The following DSCAM variants were observed in gnomAD, a reference collection of about 807,000 sequenced individuals.
The protein encoded by DSCAM is cell adhesion molecule DSCAM.
A neutral mutation model predicts 217.7 loss-of-function variants in DSCAM; 47 were observed. The ratio of observed to expected loss-of-function variants is 0.22; its 90% confidence interval spans 0.17 to 0.28. The LOEUF (loss-of-function observed/expected upper bound fraction) is 0.28, where lower values mean the gene tolerates loss of function less well. DSCAM is among the 10% of genes least tolerant of loss of function. DSCAM has a pLI of 1.00. For synonymous variants in DSCAM, 1,056 were observed against 1,015.3 expected (o/e 1.04, Z -0.76); for missense variants, 2,080 against 2,618.3 (o/e 0.79, Z 4.49).
chr21:40,067,390 T>A (rs979489609), intron 27 of DSCAM, among the ~76,000 whole-genome samples: 1 of 152,210 alleles, frequency 6.6e-6, no homozygotes, highest in Non-Finnish European at 1.5e-5. Flanking sequence ...GGGTTATGTC[T>A]GGAAAAATTT....
At chr21:40,452,622 C>T (rs574807114) in intron 3 of DSCAM, among the ~76,000 whole-genome samples, 70 of 152,244 alleles carry the variant, frequency 4.6e-4, no homozygotes, top group Non-Finnish European at 7.4e-4. Flanking sequence ...CAATACAGCA[C>T]TCATGCTCTA....
chr21:40,661,669 C>A (rs915630127), intron 3 of DSCAM, among the ~76,000 whole-genome samples: 1 of 152,134 alleles, frequency 6.6e-6, no homozygotes, highest in African/African-American at 2.4e-5. Flanking sequence ...ATCATTAACA[C>A]TAACAGATTG....
At position 40,338,091 on chromosome 21, in the gene DSCAM, C is replaced by A. The variant is rs1428896841; in HGVS notation, c.1783+10G>T. On this transcript the variant is annotated intron_variant, in intron 8 of 32. Transcript: ENST00000400454. ...ATGAGTTGTGTGGGAACCAGGAGAA[C>A]AGGGCTTACCTTTCACGGTCACGTG... 1 of 1,612,290 alleles carries A rather than the reference C, an allele frequency of 6.2e-7. No homozygotes were observed. Among genetic ancestry groups the A allele is most frequent in the Admixed American group, 1.7e-5 (1 of 59,996 alleles).
intron 15 of DSCAM, among the ~76,000 whole-genome samples, chr21:40,172,761 A>G (rs1262499141): frequency 1.3e-5 from 2 of 152,216 alleles, no homozygotes; most frequent in Non-Finnish European, 2.9e-5. Flanking sequence ...TCTATGTGCC[A>G]GGTCCTAAAC....
At chr21:40,089,306 A>G (rs377015805) in intron 21 of DSCAM, among the ~76,000 whole-genome samples, 1 of 152,228 alleles carries the variant, frequency 6.6e-6, no homozygotes, top group Non-Finnish European at 1.5e-5. Context: ...GGTTCCCACC[A>G]CAGCCTTGTG....
At chr21:40,082,970 C>G (rs2089483659) in intron 24 of DSCAM, among the ~76,000 whole-genome samples, 1 of 152,196 alleles carries the variant, frequency 6.6e-6, no homozygotes, top group African/African-American at 2.4e-5. Context: ...AGCCTTCTTT[C>G]TCTCTCAGAA....
chr21:40,326,730 A>C (rs1201185594), intron 8 of DSCAM, among the ~76,000 whole-genome samples: 2 of 152,140 alleles, frequency 1.3e-5, no homozygotes, highest in South Asian at 4.1e-4. Context: ...ACCACTGCAC[A>C]GATCGTGCAG....
chr21:40,594,960 G>A (rs1023551184), intron 3 of DSCAM, among the ~76,000 whole-genome samples: 8 of 152,162 alleles, frequency 5.3e-5, no homozygotes, highest in Non-Finnish European at 1.2e-4. Context: ...TGGGTGAGGT[G>A]AGCAACCAAC....
intron 18 of DSCAM, among the ~76,000 whole-genome samples, chr21:40,135,496 G>A (rs2090197923): frequency 6.6e-6 from 1 of 152,230 alleles, no homozygotes; most frequent in Non-Finnish European, 1.5e-5. Context: ...GAGGGCACAG[G>A]CCGCGGATCT....
intron 3 of DSCAM, among the ~76,000 whole-genome samples, chr21:40,436,913 T>C (rs1362925991): frequency 6.6e-6 from 1 of 152,170 alleles, no homozygotes; most frequent in African/African-American, 2.4e-5. Flanking sequence ...TAATAAGTTA[T>C]TGTAAATTTT....
intron 20 of DSCAM, among the ~76,000 whole-genome samples, chr21:40,121,208 A>G (rs1227132329): frequency 6.6e-6 from 1 of 152,222 alleles, no homozygotes; most frequent in Non-Finnish European, 1.5e-5. Flanking sequence ...ACCGACTGAA[A>G]GTCAAATTGC....
At chr21:40,593,903 A>C (rs1184528090) in intron 3 of DSCAM, among the ~76,000 whole-genome samples, 1 of 152,174 alleles carries the variant, frequency 6.6e-6, no homozygotes, top group Non-Finnish European at 1.5e-5. Context: ...TTTTCCGCTA[A>C]ATCTCATGTT....
intron 18 of DSCAM, among the ~76,000 whole-genome samples, chr21:40,137,389 G>A (rs741801): frequency 0.53 from 80,699 of 151,648 alleles, 21,794 homozygotes; most frequent in African/African-American, 0.61. Flanking sequence ...CTGCTAGAAC[G>A]CCTCATAGGC....
intron 3 of DSCAM, among the ~76,000 whole-genome samples, chr21:40,519,343 G>T (rs1296860099): frequency 1.3e-5 from 2 of 152,166 alleles, no homozygotes; most frequent in Non-Finnish European, 2.9e-5. Context: ...ATGAAAAAAA[G>T]TCTCAGTGCT....
intron 1 of DSCAM, among the ~76,000 whole-genome samples, chr21:40,807,979 G>T (rs951122540): frequency 1.4e-4 from 21 of 152,092 alleles, no homozygotes; most frequent in Non-Finnish European, 2.5e-4. Context: ...TCCTACTTCT[G>T]GGCCTAAGTA....
chr21:40,558,427 G>A (rs887121731), intron 3 of DSCAM, among the ~76,000 whole-genome samples: 6 of 148,764 alleles, frequency 4.0e-5, no homozygotes, highest in African/African-American at 9.9e-5. Flanking sequence ...CAGCCTGGGC[G>A]ACAGAGCAAG....
At chr21:40,047,479 C>T (rs958602810) in intron 30 of DSCAM, among the ~76,000 whole-genome samples, 1 of 152,202 alleles carries the variant, frequency 6.6e-6, no homozygotes, top group African/African-American at 2.4e-5. Context: ...ATATAAATAG[C>T]TCATGGCCTT....
rs1370456654 is a variant in DSCAM at position 40,682,815 on chromosome 21, G to A, written c.508+9995C>T. The stretch of plus-strand genomic sequence containing the variant: ...GGAGGGAAGGGAAGGGAAGGGAAGG[G>A]AAGGGAAGGGAAGGGAAGGGAAGGG... On this transcript the variant is annotated intron_variant, in intron 3 of 32. Transcript: ENST00000400454. Among the ~76,000 whole-genome samples the A allele has an allele frequency of 1.5e-3, 53 of 35,572 alleles. 8 individuals carry two copies. The highest frequency in any genetic ancestry group is 3.0e-3 in the African/African-American group (18 of 5,916). The allele number at this position is 35,572 out of a possible 152,430, so 23.3% of individuals were successfully genotyped here.
rs562981560 is a variant in DSCAM, at chr21:40,398,139, G to A, written c.509-28894C>T. 8.5e-5 allele frequency among the ~76,000 whole-genome samples: 13 copies of A among 152,286 alleles called. No homozygotes were observed. In the South Asian group the frequency reaches 2.7e-3, roughly 32 times the overall value. On this transcript the variant is annotated intron_variant, in intron 3 of 32. Coordinates refer to ENST00000400454, the MANE Select transcript of DSCAM (RefSeq NM_001389.5). ...ACTTACCTAAATTCCCTGGTCCTGG[G>A]CCTGTCTACAAACTACGGAATCTTC...
Sources: allele counts gnomAD v4.1 joint callset (sites outside exome capture counted in the v4.1 genomes callset), GRCh38; gene constraint gnomAD v4.1.1; transcripts MANE v1.5; gene names NCBI Gene and HGNC (gene_info 2026-07-23, HGNC 2026-07-21).